Variants in DSG1 observed in about 807,000 individuals in gnomAD.
DSG1 encodes desmoglein 1.
DSG1 carries 39 observed loss-of-function variants against 97.5 expected under a neutral mutation model. The ratio of observed to expected loss-of-function variants is 0.40; its 90% CI spans 0.31 to 0.52. The LOEUF is 0.52. DSG1 is among the 20% of genes least tolerant of loss of function. The pLI, the probability that DSG1 is intolerant of heterozygous loss-of-function variation, is 0.53. For synonymous variants in DSG1, 475 were observed against 443.4 expected, an observed-to-expected ratio of 1.07 and a Z score of -0.90; for missense variants, 1,311 against 1,295.4, an observed-to-expected ratio of 1.01 and a Z score of -0.18.
rs1052010500 is a variant in DSG1 at position 31,356,465 on chromosome 18, AT to A, written c.*1120del. ...GGATCTAAAAAAATGTTTTTAGAAC[AT>A]GTAAAATGTTTAATGGTGAAAGTTG... On this transcript the variant is annotated 3_prime_UTR_variant, in exon 15 of 15. Transcript: ENST00000257192. 2.0e-5 allele frequency: 3 copies of A among 152,126 alleles called. No individual in the cohort carries two copies. The highest frequency in any genetic ancestry group is 4.4e-5 in the Non-Finnish European group (3 of 68,008). The allele number at this position is 152,126 out of a possible 1,614,324, so 9.4% of individuals were successfully genotyped here.
Position 31,340,157 on chromosome 18 carries a change from T to C in DSG1, c.1687+132T>C, listed in dbSNP as rs748249586. ...GTGCAATTATAAAGAAACTTCTGTG[T>C]TTGGCACTGGGTTTATAAGATGAAA... On this transcript the variant is annotated intron_variant, in intron 11 of 14. Transcript: ENST00000257192. 3 of 982,528 alleles carry C rather than the reference T, an allele frequency of 3.1e-6. No individual in the cohort carries two copies. In the South Asian group the frequency reaches 4.8e-5, roughly 16 times the overall value. 60.9% of individuals were successfully genotyped at this position (982,528 alleles called of 1,614,324 possible).
In DSG1 at chr18:31,354,579, G is replaced by A. The variant is rs765717622; in HGVS notation, c.2383G>A (p.Gly795Arg). 1 of 1,614,132 alleles carries A rather than the reference G, an allele frequency of 6.2e-7. No individual in the cohort carries two copies. Among genetic ancestry groups the A allele is most frequent in the Middle Eastern group, 1.6e-4 (1 of 6,062 alleles). ...TCAGGAAACAGAGCCCGTTGTTAGT[G>A]GACACCCACCAATCTCCCCACATTT... ...LPQETEPVVSGHPPISPHFGT... is the reference protein window; with the variant it reads ...LPQETEPVVSRHPPISPHFGT... Residue 795 changes from glycine (G) to arginine (R), a missense_variant, in exon 15 of 15, where the codon GGA becomes AGA. Coordinates refer to ENST00000257192, the MANE Select transcript of DSG1 (RefSeq NM_001942.4).
chr18:31,355,399 A>C lies in DSG1; in HGVS notation c.*53A>C. 6.4e-7 allele frequency: 1 copy of C among 1,567,128 alleles called. No individual in the cohort carries two copies. The highest frequency in any genetic ancestry group is 8.8e-7 in the Non-Finnish European group (1 of 1,142,138). On this transcript the variant is annotated 3_prime_UTR_variant, in exon 15 of 15. Coordinates refer to ENST00000257192, the MANE Select transcript of DSG1 (RefSeq NM_001942.4). Reference sequence around the variant, plus strand: ...TCATTGTGGTTTAGATCCAATTCCCACCACTAAAAAACCAACAATGTGATT... The same window carrying C: ...TCATTGTGGTTTAGATCCAATTCCCCCCACTAAAAAACCAACAATGTGATT...
At chr18:31,350,680 A>T (rs8084199) in intron 14 of DSG1, among the ~76,000 whole-genome samples, 112,322 of 142,188 alleles carry the variant, frequency 0.79, 44,792 homozygotes, top group East Asian at 0.99. Context: ...TTCAACTTCT[A>T]CCTGGTTTAG....
In DSG1 at chr18:31,354,992, C is replaced by A. The variant is rs562613823; in HGVS notation, c.2796C>A (p.Gly932=). ...VTERVIQPTS[G]MIGSLSMHPE... is the part of the protein sequence containing the mutation. The stretch of plus-strand genomic sequence containing the variant: ...AAAGAGTAATCCAACCAACTTCCGG[C>A]ATGATAGGTAGTCTGAGTATGCACC... Residue 932 remains glycine, a synonymous_variant, in exon 15 of 15, where the codon GGC becomes GGA. Coordinates refer to ENST00000257192, the MANE Select transcript of DSG1 (RefSeq NM_001942.4). The A allele has an allele frequency of 1.9e-6, 3 of 1,614,240 alleles. No homozygotes were observed. The highest frequency in any genetic ancestry group is 2.5e-6 in the Non-Finnish European group (3 of 1,180,038).
At chr18:31,319,735 G>A (rs1238927070) in intron 1 of DSG1, among the ~76,000 whole-genome samples, 1 of 152,078 alleles carries the variant, frequency 6.6e-6, no homozygotes, top group African/African-American at 2.4e-5. Context: ...AACTTTCATA[G>A]AATCTCTAAG....
At chr18:31,342,970 G>A (rs1057017807) in intron 11 of DSG1, among the ~76,000 whole-genome samples, 14 of 145,798 alleles carry the variant, frequency 9.6e-5, no homozygotes, top group African/African-American at 3.3e-4. Context: ...CACAACCACC[G>A]CCCACCTCCC....
In DSG1 at chr18:31,359,181, C is replaced by A. The variant is rs892926280; in HGVS notation, c.*3835C>A. On this transcript the variant is annotated 3_prime_UTR_variant, in exon 15 of 15. Transcript: ENST00000257192. Reference sequence around the variant, plus strand: ...CTAGTTTCTTGCTTGGTTATCTGTTCGTTTTTTTAAGTTGATTTGTAATTT... The same window carrying A: ...CTAGTTTCTTGCTTGGTTATCTGTTAGTTTTTTTAAGTTGATTTGTAATTT... Among the ~76,000 whole-genome samples, 3 of 151,816 alleles carry A rather than the reference C, an allele frequency of 2.0e-5. No individual in the cohort carries two copies. The highest frequency in any genetic ancestry group is 6.6e-5 in the Admixed American group (1 of 15,234).
chr18:31,319,171 A>G (rs2071638507), intron 1 of DSG1, among the ~76,000 whole-genome samples: 1 of 152,214 alleles, frequency 6.6e-6, no homozygotes, highest in Non-Finnish European at 1.5e-5. Context: ...GTGCACCACT[A>G]ATGTATTATG....
In DSG1 at chr18:31,336,466, C is replaced by T. The variant is rs770787310; in HGVS notation, c.1118C>T (p.Ser373Phe). ...SQYKLKASAISVTVLNVIEGP... is the reference protein window; with the variant it reads ...SQYKLKASAIFVTVLNVIEGP... ...TATAAACTGAAAGCATCTGCAATTTCTGTGACTGTGTTAAATGTAATTGAA... is the reference window on the plus strand; with the variant it reads ...TATAAACTGAAAGCATCTGCAATTTTTGTGACTGTGTTAAATGTAATTGAA... Residue 373 changes from serine to phenylalanine, a missense_variant, in exon 9 of 15, where the codon TCT becomes TTT. Physicochemically the swap from Ser to Phe is radical, Grantham distance 155 (BLOSUM62 -2). Coordinates refer to ENST00000257192, the MANE Select transcript of DSG1 (RefSeq NM_001942.4). 1.9e-6 allele frequency: 3 copies of T among 1,614,004 alleles called. No homozygotes were observed. Among genetic ancestry groups the T allele is most frequent in the Non-Finnish European group, 2.5e-6 (3 of 1,179,950 alleles).
At chr18:31,342,689 A>G (rs2071797478) in intron 11 of DSG1, among the ~76,000 whole-genome samples, 1 of 152,174 alleles carries the variant, frequency 6.6e-6, no homozygotes, top group African/African-American at 2.4e-5. Context: ...ATAGCCTCAC[A>G]GAGAATTGTT....
intron 1 of DSG1, among the ~76,000 whole-genome samples, chr18:31,320,176 A>G (rs947530545): frequency 6.6e-6 from 1 of 152,120 alleles, no homozygotes. Flanking sequence ...GAGTTTCCTA[A>G]TCTGTATTTT....
rs1490969405 is a variant in DSG1, at chr18:31,334,101, A to G, written c.904A>G (p.Asn302Asp). 1 of 1,609,532 alleles carries G rather than the reference A, an allele frequency of 6.2e-7. No homozygotes were observed. Among genetic ancestry groups the G allele is most frequent in the Non-Finnish European group, 8.5e-7 (1 of 1,176,028 alleles). ...TGATTTGGATGAAGAGTTCTCAGCT[A>G]ACTGGATGGCAGTAATTTTCTTTAT... ...VIDLDEEFSA[N>D]WMAVIFFISG... Residue 302 changes from asparagine to aspartate, a missense_variant, in exon 8 of 15, where the codon AAC (asparagine) becomes GAC (aspartate). Asn to Asp is a conservative substitution (Grantham distance 23). This residue lies in a region of DSG1 where 1,038 missense variants were observed against 964.6 expected (regional missense o/e 1.08). Coordinates refer to ENST00000257192, the MANE Select transcript of DSG1 (RefSeq NM_001942.4).
intron 1 of DSG1, among the ~76,000 whole-genome samples, chr18:31,324,655 C>T (rs921115080): frequency 6.6e-6 from 1 of 152,146 alleles, no homozygotes; most frequent in African/African-American, 2.4e-5. Context: ...CACCCCCATC[C>T]CATTTGTTCT....
At position 31,354,352 on chromosome 18, in the gene DSG1, T is replaced by G. The variant is rs774505564; in HGVS notation, c.2156T>G (p.Leu719Arg). Residue 719 changes from leucine to arginine, a missense_variant, in exon 15 of 15, where the codon CTC becomes CGC. This residue lies in a region of DSG1 where 1,038 missense variants were observed against 964.6 expected (regional missense o/e 1.08). Transcript: ENST00000257192. ...GGACGCCCATCTAATGACTGTTTGC[T>G]CATATATGACATCGAAGGTGTAGGT... ...DEGRPSNDCLLIYDIEGVGSP... is the reference protein window; with the variant it reads ...DEGRPSNDCLRIYDIEGVGSP... The G allele has an allele frequency of 3.7e-6, 6 of 1,614,230 alleles. No individual in the cohort carries two copies. The Admixed American group carries it at 1.0e-4, about 27-fold the overall frequency.
intron 1 of DSG1, among the ~76,000 whole-genome samples, chr18:31,320,203 T>C (rs1441969482): frequency 6.6e-6 from 1 of 152,140 alleles, no homozygotes; most frequent in Non-Finnish European, 1.5e-5. Flanking sequence ...AAATACTTTT[T>C]TTCTTCATAA....
Position 31,354,303 on chromosome 18 carries a change from T to C in DSG1, c.2107T>C (p.Tyr703His), listed in dbSNP as rs1221896441. Residue 703 changes from tyrosine (Y) to histidine (H), a missense_variant, in exon 15 of 15, where the codon TAT (tyrosine) becomes CAT (histidine). By Grantham distance (83) the Tyr-to-His change is moderately conservative (BLOSUM62 2). Coordinates refer to ENST00000257192, the MANE Select transcript of DSG1 (RefSeq NM_001942.4). Reference sequence around the variant, plus strand: ...CTTTCTCCTATAAATTCAGAAAGCATATGCTTACGCAGATGAAGATGAAGG... The same window carrying C: ...CTTTCTCCTATAAATTCAGAAAGCACATGCTTACGCAGATGAAGATGAAGG... ...FMESYFCQKA[Y>H]AYADEDEGRP... 2 of 1,614,114 alleles carry C rather than the reference T, an allele frequency of 1.2e-6. No individual in the cohort carries two copies. The highest frequency in any genetic ancestry group is 1.1e-5 in the South Asian group (1 of 91,080).
At position 31,333,897 on chromosome 18, in the gene DSG1, G is replaced by T. The variant is rs542482103; in HGVS notation, c.820-120G>T. 482 of 1,138,138 alleles carry T rather than the reference G, an allele frequency of 4.2e-4. 2 individuals carry two copies. The South Asian group carries it at 6.0e-3, about 14-fold the overall frequency. The allele number at this position is 1,138,138 out of a possible 1,614,324, so 70.5% of individuals were successfully genotyped here. ...TAAATGGAGTTAAGCAATGAAAAAT[G>T]AGATGAAAACCACAGATATCTTTTC... On this transcript the variant is annotated intron_variant, in intron 7 of 14. Transcript: ENST00000257192.
In DSG1 at chr18:31,340,671, A is replaced by G. The variant is rs77169381; in HGVS notation, c.1687+646A>G. Among the ~76,000 whole-genome samples, 1,359 of 152,256 alleles carry G rather than the reference A, an allele frequency of 8.9e-3. 20 individuals carry two copies. Among genetic ancestry groups the G allele is most frequent in the African/African-American group, 0.031 (1,291 of 41,544 alleles). ...GAGAAAGGGAACACAATACAAGGGG[A>G]AAAAAATCTATGTGCAAAAACCTAA... On this transcript the variant is annotated intron_variant, in intron 11 of 14. Transcript: ENST00000257192.
Sources: gnomAD v4.1 joint callset for allele counts (sites outside exome capture counted in the v4.1 genomes callset) on GRCh38, gnomAD v4.1.1 for gene constraint, gnomAD v4.1.1 regional missense constraint, MANE v1.5 for transcripts, NCBI Gene and HGNC (gene_info 2026-07-23, HGNC 2026-07-21) for gene names.